The following CEP68 variants were observed in gnomAD, a reference collection of about 807,000 sequenced individuals.
CEP68 encodes centrosomal protein 68.
Under a neutral mutation model 55.3 loss-of-function variants are expected in CEP68, and 26 were observed. That is an observed-to-expected ratio of 0.47 (90% confidence interval 0.34 to 0.65). CEP68 has a LOEUF of 0.65. CEP68 is among the 30% of genes least tolerant of loss of function. The pLI is 0.01. For synonymous variants in CEP68, 402 were observed against 383.2 expected, an observed-to-expected ratio of 1.05 and a Z score of -0.57; for missense variants, 957 against 946.7, an observed-to-expected ratio of 1.01 and a Z score of -0.14.
chr2:65,071,411 T>C, intron 2 of CEP68, 43 bp from the exon 3 acceptor site: 5 of 1,530,906 alleles, frequency 3.3e-6, no homozygotes, highest in Non-Finnish European at 4.5e-6. Context: ...GAAATTGGGT[T>C]TGATTTTTAC....
At chr2:65,063,365 T>A (rs1002225302) in intron 1 of CEP68, among the ~76,000 whole-genome samples, 4 of 152,224 alleles carry the variant, frequency 2.6e-5, no homozygotes, top group Non-Finnish European at 5.9e-5. Context: ...CTCCTGTCAT[T>A]CAGTCCAACC....
chr2:65,063,175 C>T (rs751004699), intron 1 of CEP68, among the ~76,000 whole-genome samples: 13 of 152,234 alleles, frequency 8.5e-5, no homozygotes, highest in Non-Finnish European at 1.9e-4. Flanking sequence ...TCTGGTGGAT[C>T]ATACAGCCTC....
chr2:65,065,916 A>G (rs2103757872), intron 1 of CEP68, among the ~76,000 whole-genome samples: 1 of 151,722 alleles, frequency 6.6e-6, no homozygotes, highest in East Asian at 1.9e-4. Context: ...AGATCACGCC[A>G]CTGCACTCCA....
Position 65,071,879 on chromosome 2 carries a change from G to A in CEP68, c.783G>A (p.Gly261=). The A allele has an allele frequency of 6.2e-7, 1 of 1,610,958 alleles. No individual in the cohort carries two copies. The highest frequency in any genetic ancestry group is 1.1e-5 in the South Asian group (1 of 90,702). The change falls in exon 3 of 7, where the codon GGG becomes GGA. Residue 261 remains glycine (G), a synonymous_variant. Transcript: ENST00000377990. ...QPVFSGGDAS[G]LGRRRLSFQA... ...TGTTCTCTGGGGGTGATGCTTCTGGGCTAGGCAGGAGACGCCTCTCCTTCC... is the reference window on the plus strand; with the variant it reads ...TGTTCTCTGGGGGTGATGCTTCTGGACTAGGCAGGAGACGCCTCTCCTTCC...
rs10198538 is a variant in CEP68, at chr2:65,072,325, G to T, written c.1229G>T (p.Arg410Leu). 1 of 1,613,888 alleles carries T rather than the reference G, an allele frequency of 6.2e-7. No individual in the cohort carries two copies. ...AGAGCCCCAGGCAGTAGGGATGCTC[G>T]TTGGGAGCGCAGAGAGCCAGCCCTG... ...TPRAPGSRDA[R>L]WERREPALRG... Residue 410 changes from arginine (R) to leucine (L), a missense_variant, in exon 3 of 7, where the codon CGT becomes CTT. Physicochemically the swap from Arg to Leu is moderately radical, Grantham distance 102 (BLOSUM62 -2). Coordinates refer to ENST00000377990, the MANE Select transcript of CEP68 (RefSeq NM_015147.3).
At chr2:65,078,679 T>A (rs6546124) in intron 5 of CEP68, among the ~76,000 whole-genome samples, 2,742 of 152,172 alleles carry the variant, frequency 0.018, 88 homozygotes, top group African/African-American at 0.062. Flanking sequence ...GTAGCTGGGA[T>A]TACAGGCATG....
At chr2:65,071,358 T>C (rs1676449276) in intron 2 of CEP68, 96 bp from the exon 3 acceptor site, 1 of 1,028,896 alleles carries the variant, frequency 9.7e-7, no homozygotes, top group Non-Finnish European at 1.5e-6. Context: ...TCCTAAATAC[T>C]GTCTAGACCC....
intron 1 of CEP68, among the ~76,000 whole-genome samples, chr2:65,057,297 C>T (rs1055771130): frequency 6.6e-6 from 1 of 152,192 alleles, no homozygotes; most frequent in African/African-American, 2.4e-5. Context: ...GTTCTCAGAT[C>T]TAGGGTATGA....
At position 65,077,954 on chromosome 2, in the gene CEP68, G is replaced by A; in HGVS notation, c.2094G>A (p.Glu698=). ...AGATTCTTCTTCAGTGCCTGTTGGA[G>A]AACACCCCAGGTGAGATGCTTAAGG... is the stretch of plus-strand genomic sequence containing the variant. ...KGEILLQCLL[E]NTPVLEDVLG... is the part of the protein sequence containing the mutation. The change falls in exon 5 of 7, where the codon GAG becomes GAA. Residue 698 remains glutamate (E), a synonymous_variant. Coordinates refer to ENST00000377990, the MANE Select transcript of CEP68 (RefSeq NM_015147.3). The A allele has an allele frequency of 6.2e-7, 1 of 1,613,146 alleles. No homozygotes were observed. Among genetic ancestry groups the A allele is most frequent in the Non-Finnish European group, 8.5e-7 (1 of 1,179,190 alleles).
chr2:65,058,655 C>T (rs532662214), intron 1 of CEP68, among the ~76,000 whole-genome samples: 1 of 151,820 alleles, frequency 6.6e-6, no homozygotes, highest in South Asian at 2.1e-4. Context: ...TACAGGCACC[C>T]ACCACCGTGT....
In CEP68 at chr2:65,069,781, C is replaced by CT. The variant is rs771159315; in HGVS notation, c.338dup (p.Leu114AlafsTer35). On this transcript the variant is annotated frameshift_variant, in exon 2 of 7. Coordinates refer to ENST00000377990, the MANE Select transcript of CEP68 (RefSeq NM_015147.3). LOFTEE classifies it high-confidence loss of function. ...TGCCACCATGGGGTCTGGAGACCTTCTGCTCTCCGGGGAAAGCCAGGTAGG... is the reference window on the plus strand; with the variant it reads ...TGCCACCATGGGGTCTGGAGACCTTCTTGCTCTCCGGGGAAAGCCAGGTAGG... 6.2e-7 allele frequency: 1 copy of CT among 1,613,980 alleles called. No homozygotes were observed. Among genetic ancestry groups the CT allele is most frequent in the Non-Finnish European group, 8.5e-7 (1 of 1,179,982 alleles).
At position 65,072,795 on chromosome 2, in the gene CEP68, G is replaced by C. The variant is rs750523258; in HGVS notation, c.1699G>C (p.Asp567His). 1 of 1,614,006 alleles carries C rather than the reference G, an allele frequency of 6.2e-7. No homozygotes were observed. The highest frequency in any genetic ancestry group is 1.3e-5 in the African/African-American group (1 of 74,918). Residue 567 changes from aspartate (D) to histidine (H), a missense_variant, in exon 3 of 7, where the codon GAC becomes CAC. Physicochemically the swap from Asp to His is moderately conservative, Grantham distance 81. Coordinates refer to ENST00000377990, the MANE Select transcript of CEP68 (RefSeq NM_015147.3). Reference sequence around the variant, plus strand: ...CCTGCGCTCCTTCGTCCGTGCCCACGACTCCGCAGGGGAAGGCAGTCTGGG... The same window carrying C: ...CCTGCGCTCCTTCGTCCGTGCCCACCACTCCGCAGGGGAAGGCAGTCTGGG... ...CFLRSFVRAH[D>H]SAGEGSLGSS...
chr2:65,068,657 T>C (rs1676310819), intron 1 of CEP68, among the ~76,000 whole-genome samples: 2 of 152,056 alleles, frequency 1.3e-5, no homozygotes, highest in African/African-American at 4.8e-5. Flanking sequence ...TGAAACCCTG[T>C]CTCTACTAAA....
At chr2:65,062,661 C>G (rs1325365593) in intron 1 of CEP68, among the ~76,000 whole-genome samples, 2 of 151,794 alleles carry the variant, frequency 1.3e-5, no homozygotes, top group Non-Finnish European at 2.9e-5. Flanking sequence ...CATATCGAAA[C>G]CCTGTCCCTA....
At chr2:65,074,767 C>CG (rs1182982532) in intron 4 of CEP68, 5 of 238,496 alleles carry the variant, frequency 2.1e-5, no homozygotes, top group South Asian at 4.7e-5. Context: ...TAGCAAGACC[C>CG]CCCCCCCTCA....
rs1194960092 is a variant in CEP68, at chr2:65,072,717, C to G, written c.1621C>G (p.Pro541Ala). 1 of 1,614,144 alleles carries G rather than the reference C, an allele frequency of 6.2e-7. No individual in the cohort carries two copies. Among genetic ancestry groups the G allele is most frequent in the Non-Finnish European group, 8.5e-7 (1 of 1,180,032 alleles). The change falls in exon 3 of 7, where the codon CCT becomes GCT. Residue 541 changes from proline (P) to alanine (A), a missense_variant. By Grantham distance (27) the Pro-to-Ala change is conservative. Transcript: ENST00000377990. ...PSSSSQSQLP[P>A]GAALQGSGDP... ...AAGCTCCAGCCAAAGCCAGCTTCCC[C>G]CTGGAGCTGCCCTCCAAGGATCTGG... is the stretch of plus-strand genomic sequence containing the variant.
intron 1 of CEP68, among the ~76,000 whole-genome samples, chr2:65,057,554 T>C (rs1350666031): frequency 1.3e-5 from 2 of 152,222 alleles, no homozygotes; most frequent in African/African-American, 2.4e-5. Flanking sequence ...TCCTCCCTTT[T>C]TTGGGCTACC....
chr2:65,074,020 G>T, intron 3 of CEP68: 1 of 372,542 alleles, frequency 2.7e-6, no homozygotes, highest in South Asian at 3.4e-5. Flanking sequence ...TGGCAGGCAC[G>T]CCTCTTCTGG....
At chr2:65,064,605 G>A (rs1329695415) in intron 1 of CEP68, among the ~76,000 whole-genome samples, 3 of 151,920 alleles carry the variant, frequency 2.0e-5, no homozygotes, top group African/African-American at 7.3e-5. Context: ...GCGGTGGTGG[G>A]CGCCTGTAGT....
Sources: gnomAD v4.1 joint callset for allele counts (sites outside exome capture counted in the v4.1 genomes callset) on GRCh38, gnomAD v4.1.1 for gene constraint, MANE v1.5 for transcripts, NCBI Gene and HGNC (gene_info 2026-07-23, HGNC 2026-07-21) for gene names.